Variants in LRRFIP2 observed in about 807,000 individuals in gnomAD.
LRRFIP2 encodes LRR binding FLII interacting protein 2.
LRRFIP2 carries 109 observed loss-of-function variants against 125.9 expected under a neutral mutation model. That is an observed-to-expected ratio of 0.87 (90% CI 0.74 to 1.01). LRRFIP2 has a LOEUF of 1.01. Ranked by LOEUF, LRRFIP2 falls within the 50% of genes least tolerant of loss-of-function variation. The pLI, the probability that LRRFIP2 is intolerant of heterozygous loss-of-function variation, is 0.00. For missense variants in LRRFIP2, 850 were observed against 862.3 expected (o/e 0.99, Z 0.18); for synonymous variants, 291 against 293.1 (o/e 0.99, Z 0.07).
At chr3:37,119,162 T>C (rs2094918078) in intron 6 of LRRFIP2, among the ~76,000 whole-genome samples, 1 of 152,196 alleles carries the variant, frequency 6.6e-6, no homozygotes, top group East Asian at 1.9e-4. Context: ...CTCTAGGATG[T>C]AAAACTTTTA....
At chr3:37,071,025 A>G (rs918457129) in intron 21 of LRRFIP2, among the ~76,000 whole-genome samples, 1 of 152,352 alleles carries the variant, frequency 6.6e-6, no homozygotes, top group Middle Eastern at 3.4e-3. Flanking sequence ...TTTAAATCAA[A>G]TCAATGGTTC....
chr3:37,127,135 G>C (rs1400812970), intron 4 of LRRFIP2, among the ~76,000 whole-genome samples: 1 of 152,080 alleles, frequency 6.6e-6, no homozygotes, highest in African/African-American at 2.4e-5. Context: ...TCAAATTTAG[G>C]AATGATTCAC....
intron 4 of LRRFIP2, 75 bp from the exon 5 acceptor site, chr3:37,121,766 C>A (rs559257837): frequency 6.9e-7 from 1 of 1,445,336 alleles, no homozygotes; most frequent in East Asian, 2.3e-5. Flanking sequence ...GAGCAAAGAG[C>A]AGTCAGTTAA....
chr3:37,061,132 C>T (rs58693636), intron 24 of LRRFIP2, among the ~76,000 whole-genome samples: 49,084 of 151,976 alleles, frequency 0.32, 9,836 homozygotes, highest in Non-Finnish European at 0.45. Flanking sequence ...CTCTGGCTTC[C>T]GCTCGAGATA....
At chr3:37,058,484 G>A (rs1559639378) in intron 25 of LRRFIP2, among the ~76,000 whole-genome samples, 2 of 152,044 alleles carry the variant, frequency 1.3e-5, no homozygotes, top group African/African-American at 4.8e-5. Flanking sequence ...GACCAGCCTG[G>A]TAACTATGGT....
At chr3:37,166,688 T>C (rs1303610352) in intron 1 of LRRFIP2, among the ~76,000 whole-genome samples, 6 of 150,584 alleles carry the variant, frequency 4.0e-5, no homozygotes, top group African/African-American at 2.4e-5. Context: ...GAACCCAGAG[T>C]TGGAGACCAG....
intron 15 of LRRFIP2, among the ~76,000 whole-genome samples, chr3:37,100,646 C>A (rs2093988524): frequency 6.6e-6 from 1 of 151,976 alleles, no homozygotes; most frequent in Non-Finnish European, 1.5e-5. Flanking sequence ...TAAAGTAAAT[C>A]ATCACAAAAT....
At chr3:37,098,850 T>G (rs1189343494) in intron 15 of LRRFIP2, among the ~76,000 whole-genome samples, 1 of 152,196 alleles carries the variant, frequency 6.6e-6, no homozygotes, top group African/African-American at 2.4e-5. Flanking sequence ...CTGAGTATTT[T>G]CCAACTCTTT....
intron 4 of LRRFIP2, among the ~76,000 whole-genome samples, chr3:37,124,246 A>T (rs2149603334): frequency 6.6e-6 from 1 of 152,362 alleles, no homozygotes; most frequent in East Asian, 1.9e-4. Context: ...TTTAAATTTA[A>T]ATTTAATTAC....
At chr3:37,157,818 C>T (rs1474535121) in intron 1 of LRRFIP2, among the ~76,000 whole-genome samples, 1 of 152,180 alleles carries the variant, frequency 6.6e-6, no homozygotes, top group Non-Finnish European at 1.5e-5. Context: ...TAATGGTTAA[C>T]TTACAACTCA....
chr3:37,135,543 C>T (rs2095537940), intron 2 of LRRFIP2, among the ~76,000 whole-genome samples: 1 of 151,478 alleles, frequency 6.6e-6, no homozygotes, highest in African/African-American at 2.4e-5. Context: ...CTTCCTTTAC[C>T]ATCATAATTT....
chr3:37,172,266 A>G (rs1027994785), intron 1 of LRRFIP2, among the ~76,000 whole-genome samples: 1 of 152,236 alleles, frequency 6.6e-6, no homozygotes, highest in Non-Finnish European at 1.5e-5. Context: ...AACAACCTAA[A>G]TATCTGTCAA....
intron 21 of LRRFIP2, among the ~76,000 whole-genome samples, chr3:37,071,702 C>T (rs963943249): frequency 3.3e-5 from 5 of 152,140 alleles, no homozygotes; most frequent in Admixed American, 6.5e-5. Flanking sequence ...AACAACTATT[C>T]CCTACTCCCC....
In LRRFIP2 at chr3:37,112,966, A is replaced by G; in HGVS notation, c.387T>C (p.Ser129=). ...ACCTCTTCTTCATTCCATGAGAGTG[A>G]CTGTAAGAATGATTCTGGAAGTAAA... ...SRLSSLNHSY[S]HSHGMKKRSS... is the part of the protein sequence containing the mutation. Residue 129 remains serine, a synonymous_variant, in exon 8 of 28, where the codon AGT becomes AGC. Coordinates refer to ENST00000336686, the MANE Select transcript of LRRFIP2 (RefSeq NM_006309.4). 1 of 1,576,734 alleles carries G rather than the reference A, an allele frequency of 6.3e-7. No homozygotes were observed. The highest frequency in any genetic ancestry group is 2.3e-5 in the East Asian group (1 of 44,132).
intron 12 of LRRFIP2, 150 bp from the exon 13 acceptor site, chr3:37,108,279 A>C (rs2094421370): frequency 1.5e-6 from 1 of 648,970 alleles, no homozygotes; most frequent in South Asian, 1.9e-5. Flanking sequence ...CCTCATCCCC[A>C]CCCTCAAGAT....
At chr3:37,096,321 T>TA (rs1559820041) in intron 16 of LRRFIP2, among the ~76,000 whole-genome samples, 1 of 152,176 alleles carries the variant, frequency 6.6e-6, no homozygotes, top group Non-Finnish European at 1.5e-5. Flanking sequence ...AGAAACTTCA[T>TA]TTTCAGTGTT....
chr3:37,151,292 G>A (rs1362145468), intron 1 of LRRFIP2, among the ~76,000 whole-genome samples: 1 of 151,892 alleles, frequency 6.6e-6, no homozygotes, highest in Non-Finnish European at 1.5e-5. Context: ...CCAGGAGGTG[G>A]AGATTGCAGT....
intron 4 of LRRFIP2, among the ~76,000 whole-genome samples, chr3:37,126,889 A>AAAGT (rs1559966944): frequency 2.6e-5 from 4 of 151,736 alleles, no homozygotes; most frequent in East Asian, 1.9e-4. Flanking sequence ...AGAAAGAAAG[A>AAAGT]AAGTTGCTTG....
intron 18 of LRRFIP2, among the ~76,000 whole-genome samples, chr3:37,090,319 T>A (rs1029641314): frequency 1.3e-5 from 2 of 151,988 alleles, no homozygotes; most frequent in African/African-American, 4.8e-5. Flanking sequence ...ACCTCCACCT[T>A]CCAGGTTCAA....
Sources: allele counts gnomAD v4.1 joint callset (sites outside exome capture counted in the v4.1 genomes callset), GRCh38; gene constraint gnomAD v4.1.1; transcripts MANE v1.5; gene names NCBI Gene and HGNC (gene_info 2026-07-23, HGNC 2026-07-21).